The following SLC25A17 variants were observed in gnomAD, a reference collection of about 807,000 sequenced individuals.
SLC25A17 encodes the protein peroxisomal membrane protein PMP34.
In SLC25A17, 26 loss-of-function variants were observed where a neutral mutation model predicts 38.5. That is an observed-to-expected ratio of 0.68 (90% CI 0.50 to 0.94). SLC25A17 has a LOEUF of 0.94. SLC25A17 is among the 40% of genes least tolerant of loss of function. SLC25A17 has a pLI of 0.00. For missense variants in SLC25A17, 333 were observed against 372.7 expected (o/e 0.89, Z 0.88); for synonymous variants, 139 against 136.2 (o/e 1.02, Z -0.14).
chr22:40,786,604 G>T (rs1386377431), intron 4 of SLC25A17, among the ~76,000 whole-genome samples: 1 of 152,128 alleles, frequency 6.6e-6, no homozygotes, highest in African/African-American at 2.4e-5. Context: ...ATTGTTTAGG[G>T]AATAATGACA....
intron 4 of SLC25A17, among the ~76,000 whole-genome samples, chr22:40,791,255 A>T (rs2057383347): frequency 6.6e-6 from 1 of 152,118 alleles, no homozygotes; most frequent in African/African-American, 2.4e-5. Flanking sequence ...TGACTCCTAG[A>T]CTTCTATCCT....
intron 7 of SLC25A17, 56 bp downstream of exon 7, chr22:40,776,984 G>T: frequency 7.3e-7 from 1 of 1,370,800 alleles, no homozygotes; most frequent in Non-Finnish European, 1.0e-6. Context: ...TAAATCAAGA[G>T]ACTACATGTA....
intron 1 of SLC25A17, among the ~76,000 whole-genome samples, chr22:40,809,232 C>T (rs1020638671): frequency 6.6e-6 from 1 of 151,904 alleles, no homozygotes; most frequent in African/African-American, 2.4e-5. Context: ...TGGCTCATGC[C>T]TGTAATCCTA....
At chr22:40,797,207 C>G (rs2057438623) in intron 2 of SLC25A17, 2 of 676,594 alleles carry the variant, frequency 3.0e-6, no homozygotes, top group African/African-American at 1.9e-5. Context: ...ATTATTTATC[C>G]AAAAACTATA....
intron 8 of SLC25A17, 24 bp downstream of exon 8, chr22:40,773,913 A>C: frequency 6.7e-7 from 1 of 1,490,526 alleles, no homozygotes; most frequent in Non-Finnish European, 9.4e-7. Context: ...AGAGCACGGA[A>C]TGTGAGGCAT....
intron 4 of SLC25A17, among the ~76,000 whole-genome samples, chr22:40,784,943 T>C (rs925554732): frequency 5.9e-4 from 90 of 152,320 alleles, no homozygotes; most frequent in African/African-American, 2.1e-3. Context: ...TGGTAACTAA[T>C]CTGGCTGTTT....
intron 7 of SLC25A17, among the ~76,000 whole-genome samples, chr22:40,776,705 TG>T (rs2057246843): frequency 6.6e-6 from 1 of 152,138 alleles, no homozygotes. Flanking sequence ...GAGACAAGCC[TG>T]GAAAACATGG....
At chr22:40,786,412 C>T (rs1305588219) in intron 4 of SLC25A17, among the ~76,000 whole-genome samples, 3 of 151,990 alleles carry the variant, frequency 2.0e-5, no homozygotes, top group Non-Finnish European at 4.4e-5. Context: ...ACGGTTACTT[C>T]GCATATCTTA....
At chr22:40,809,087 T>C (rs2057554817) in intron 1 of SLC25A17, among the ~76,000 whole-genome samples, 1 of 152,062 alleles carries the variant, frequency 6.6e-6, no homozygotes, top group African/African-American at 2.4e-5. Context: ...TATGTTAACA[T>C]GTAATGGATG....
Position 40,794,538 on chromosome 22 carries a change from AG to A in SLC25A17, c.157del (p.Leu53TrpfsTer19), listed in dbSNP as rs1455455203. ...CAGTCCTTCTTCTTTAATGATCTCC[AG>A]GAGCACCATGTGTGTAGTTTTGGAT... ...RKSKTTHMVL[L>X]EIIKEEGLLA... is the part of the protein sequence containing the mutation. On this transcript the variant is annotated frameshift_variant, in exon 3 of 9. Transcript: ENST00000435456. LOFTEE classifies it high-confidence loss of function. 1.5e-5 allele frequency: 24 copies of A among 1,611,518 alleles called. No homozygotes were observed. The highest frequency in any genetic ancestry group is 5.0e-5 in the Admixed American group (3 of 59,980).
At chr22:40,810,220 G>A (rs561706270) in intron 1 of SLC25A17, among the ~76,000 whole-genome samples, 1 of 152,018 alleles carries the variant, frequency 6.6e-6, no homozygotes, top group African/African-American at 2.4e-5. Context: ...TATACTGGTG[G>A]TCCCTATCTT....
chr22:40,812,041 C>T (rs1381255546), intron 1 of SLC25A17, among the ~76,000 whole-genome samples: 1 of 151,888 alleles, frequency 6.6e-6, no homozygotes, highest in East Asian at 1.9e-4. Context: ...CTTTCTCTCT[C>T]TCTCTCTCTC....
At chr22:40,775,871 G>GC (rs1296263099) in intron 7 of SLC25A17, among the ~76,000 whole-genome samples, 3 of 152,054 alleles carry the variant, frequency 2.0e-5, no homozygotes, top group Non-Finnish European at 4.4e-5. Flanking sequence ...GTTTCCTGAG[G>GC]CCCCCCAGCC....
intron 1 of SLC25A17, among the ~76,000 whole-genome samples, chr22:40,812,398 T>C (rs938501773): frequency 1.3e-5 from 2 of 152,168 alleles, no homozygotes; most frequent in African/African-American, 2.4e-5. Context: ...GGTCAAGACT[T>C]GGTCCCCCCA....
chr22:40,802,810 A>T (rs2057494692), intron 1 of SLC25A17, among the ~76,000 whole-genome samples: 1 of 152,226 alleles, frequency 6.6e-6, no homozygotes, highest in Non-Finnish European at 1.5e-5. Context: ...GACTATATAG[A>T]AAAACAAAAA....
At chr22:40,808,035 G>A (rs1256743571) in intron 1 of SLC25A17, among the ~76,000 whole-genome samples, 1 of 151,598 alleles carries the variant, frequency 6.6e-6, no homozygotes, top group Non-Finnish European at 1.5e-5. Context: ...AAAATTAGAA[G>A]GCACAAAATA....
At chr22:40,777,511 C>CAAG in intron 5 of SLC25A17, 138 bp from the exon 6 acceptor site, 1 of 1,005,554 alleles carries the variant, frequency 9.9e-7, no homozygotes, top group Non-Finnish European at 1.4e-6. Context: ...CAGCCGGTTG[C>CAAG]AATGGCTCAC....
chr22:40,815,493 C>A (rs925192922), intron 1 of SLC25A17, among the ~76,000 whole-genome samples: 1 of 152,168 alleles, frequency 6.6e-6, no homozygotes, highest in Non-Finnish European at 1.5e-5. Context: ...AAGGTAAGAT[C>A]ATCTGCAACA....
At position 40,770,763 on chromosome 22, in the gene SLC25A17, G is replaced by C. The variant is rs911284731; in HGVS notation, c.*71C>G. 1.4e-6 allele frequency: 2 copies of C among 1,465,654 alleles called. No homozygotes were observed. Among genetic ancestry groups the C allele is most frequent in the Non-Finnish European group, 1.8e-6 (2 of 1,081,688 alleles). 90.8% of individuals were successfully genotyped at this position (1,465,654 alleles called of 1,614,324 possible). On this transcript the variant is annotated 3_prime_UTR_variant, in exon 9 of 9. Coordinates refer to ENST00000435456, the MANE Select transcript of SLC25A17 (RefSeq NM_006358.4). ...GGTGGCAGGAGCCAGAGTCAAGGGA[G>C]AATCACTTCTCTTCACTCAGGAGGA...
Sources: gnomAD v4.1 joint callset for allele counts (sites outside exome capture counted in the v4.1 genomes callset) on GRCh38, gnomAD v4.1.1 for gene constraint, MANE v1.5 for transcripts, NCBI Gene and HGNC (gene_info 2026-07-23, HGNC 2026-07-21) for gene names.